Variants in ARAP2 observed in about 807,000 individuals in gnomAD.
The protein encoded by ARAP2 is ArfGAP with RhoGAP domain, ankyrin repeat and PH domain 2, also known as arf-GAP with Rho-GAP domain, ANK repeat and PH domain-containing protein 2.
In ARAP2, 148 loss-of-function variants were observed where a neutral mutation model predicts 194.5. The ratio of observed to expected loss-of-function variants is 0.76; its 90% CI spans 0.67 to 0.87. The LOEUF is 0.87. ARAP2 is among the 40% of genes least tolerant of loss of function. The pLI is 0.00. For missense variants in ARAP2, 2,128 were observed against 1,989.7 expected, an observed-to-expected ratio of 1.07 and a Z score of -1.32; for synonymous variants, 695 against 683.5, an observed-to-expected ratio of 1.02 and a Z score of -0.26.
In ARAP2 at chr4:36,164,910, T is replaced by A. The variant is rs774310298; in HGVS notation, c.2173+4A>T. ...TGTGATGAGCATAACTTGTCACTAA[T>A]TACCTGCACACTTCTTACAGATGAC... is the stretch of plus-strand genomic sequence containing the variant. On this transcript the variant is annotated splice_donor_region_variant and intron_variant, in intron 11 of 32. Coordinates refer to ENST00000303965, the MANE Select transcript of ARAP2 (RefSeq NM_015230.4). 6.2e-7 allele frequency: 1 copy of A among 1,613,524 alleles called. No homozygotes were observed. The highest frequency in any genetic ancestry group is 8.5e-7 in the Non-Finnish European group (1 of 1,179,594).
chr4:36,099,056 C>G (rs1716119732), intron 27 of ARAP2, among the ~76,000 whole-genome samples: 1 of 151,850 alleles, frequency 6.6e-6, no homozygotes, highest in Non-Finnish European at 1.5e-5. Flanking sequence ...CTACCCTCCC[C>G]TCCCCATGGA....
intron 31 of ARAP2, 149 bp from the exon 32 acceptor site, chr4:36,073,972 G>A: frequency 2.0e-6 from 2 of 1,013,028 alleles, no homozygotes; most frequent in East Asian, 2.5e-5. Context: ...GTTGACTCTG[G>A]TGGCAGCATC....
chr4:36,177,799 A>G (rs1738311769), intron 9 of ARAP2, 28 bp downstream of exon 9: 2 of 1,526,106 alleles, frequency 1.3e-6, no homozygotes, highest in Non-Finnish European at 1.8e-6. Context: ...AAATAGCAGC[A>G]ATTTGCAATG....
intron 8 of ARAP2, among the ~76,000 whole-genome samples, chr4:36,183,514 T>TAAGCACCAGAACTGTGCACTC (rs1739779551): frequency 6.6e-6 from 1 of 152,130 alleles, no homozygotes; most frequent in Non-Finnish European, 1.5e-5. Context: ...AGCTCTCTTC[T>TAAGCACCAGAACTGTGCACTC]AAGCACCAGA....
intron 26 of ARAP2, among the ~76,000 whole-genome samples, chr4:36,111,727 C>A (rs1200379871): frequency 6.6e-6 from 1 of 151,920 alleles, no homozygotes; most frequent in Non-Finnish European, 1.5e-5. Flanking sequence ...CCCTTGATTG[C>A]TCAAGATAAA....
intron 5 of ARAP2, among the ~76,000 whole-genome samples, chr4:36,034,108 T>C (rs1224582330): frequency 1.3e-5 from 2 of 152,156 alleles, no homozygotes; most frequent in African/African-American, 4.8e-5. Flanking sequence ...TATGTATGCT[T>C]ACTATTGCCT....
chr4:36,085,562 C>A (rs1296779361), intron 28 of ARAP2, among the ~76,000 whole-genome samples: 2 of 152,110 alleles, frequency 1.3e-5, no homozygotes, highest in East Asian at 3.9e-4. Flanking sequence ...CACTTTTATA[C>A]AAGGATTATA....
chr4:36,208,339 T>C (rs888177901), intron 6 of ARAP2, among the ~76,000 whole-genome samples: 2 of 152,216 alleles, frequency 1.3e-5, no homozygotes, highest in African/African-American at 4.8e-5. Context: ...GACCACAGCC[T>C]CATTCATCGG....
intron 5 of ARAP2, among the ~76,000 whole-genome samples, chr4:36,039,296 G>T (rs1421148284): frequency 1.3e-5 from 2 of 152,174 alleles, no homozygotes; most frequent in African/African-American, 4.8e-5. Context: ...GCCCCACACT[G>T]TTTATATAAA....
At chr4:36,176,123 A>G (rs1307259795) in intron 9 of ARAP2, among the ~76,000 whole-genome samples, 1 of 152,222 alleles carries the variant, frequency 6.6e-6, no homozygotes, top group Non-Finnish European at 1.5e-5. Context: ...AAGTTTGTAG[A>G]GTGGTTAAGA....
chr4:36,029,715 T>C (rs1309148315), intron 5 of ARAP2, among the ~76,000 whole-genome samples: 1 of 151,988 alleles, frequency 6.6e-6, no homozygotes, highest in Non-Finnish European at 1.5e-5. Context: ...TTTTCTTTGT[T>C]GTTATTTGTA....
In ARAP2 at chr4:36,067,890, G is replaced by A. The variant is rs1032278714; in HGVS notation, c.*17C>T. 1.9e-6 allele frequency: 3 copies of A among 1,549,144 alleles called. No homozygotes were observed. The highest frequency in any genetic ancestry group is 2.6e-6 in the Non-Finnish European group (3 of 1,147,410). The stretch of plus-strand genomic sequence containing the variant: ...CAATATTAAAAAAATAATCTGGGGA[G>A]CAATTCATTTTATTTCCTACTTCAA... On this transcript the variant is annotated 3_prime_UTR_variant, in exon 33 of 33. Coordinates refer to ENST00000303965, the MANE Select transcript of ARAP2 (RefSeq NM_015230.4).
At chr4:36,010,077 T>C (rs1016624504) in intron 9 of ARAP2, among the ~76,000 whole-genome samples, 1 of 151,894 alleles carries the variant, frequency 6.6e-6, no homozygotes, top group Admixed American at 6.6e-5. Context: ...CAAACAGTAA[T>C]TTCCTCCTTT....
chr4:36,090,050 C>G (rs1713148004), intron 28 of ARAP2, among the ~76,000 whole-genome samples: 1 of 149,648 alleles, frequency 6.7e-6, no homozygotes, highest in East Asian at 1.9e-4. Context: ...ATTTGATAAA[C>G]ACAATCAGAA....
At chr4:36,236,192 A>C (rs999264947) in intron 1 of ARAP2, among the ~76,000 whole-genome samples, 3 of 151,862 alleles carry the variant, frequency 2.0e-5, no homozygotes, top group Admixed American at 2.0e-4. Context: ...AAAAAAAAAA[A>C]AAAAATTAAT....
At chr4:36,138,498 T>C (rs1727394103) in intron 19 of ARAP2, among the ~76,000 whole-genome samples, 1 of 151,690 alleles carries the variant, frequency 6.6e-6, no homozygotes, top group African/African-American at 2.4e-5. Context: ...CTTCTTTTAT[T>C]CAGCACAATG....
rs940456160 is a variant in ARAP2, at chr4:36,053,230, T to A, written n.322-1177A>T. Among the ~76,000 whole-genome samples the A allele has an allele frequency of 2.0e-5, 3 of 152,116 alleles. No individual in the cohort carries two copies. The East Asian group carries it at 5.8e-4, about 30-fold the overall frequency. The stretch of plus-strand genomic sequence containing the variant: ...CATCTTGGCCAGGCTGGTCTTGAAC[T>A]TTTGACTTCGTGATCCACCCGCCTT... On this transcript the variant is annotated intron_variant and non_coding_transcript_variant, in intron 2 of 12. Transcript: ENST00000503225.
chr4:36,119,839 A>G (rs1191689459), intron 23 of ARAP2, 121 bp from the exon 24 acceptor site: 1 of 622,218 alleles, frequency 1.6e-6, no homozygotes, highest in African/African-American at 1.8e-5. Context: ...GAGAATGGCC[A>G]TCGGAATCAA....
At chr4:36,040,748 C>T (rs150074027) in intron 5 of ARAP2, among the ~76,000 whole-genome samples, 138 of 152,150 alleles carry the variant, frequency 9.1e-4, no homozygotes, top group Middle Eastern at 3.4e-3. Flanking sequence ...GTCGAGAGTA[C>T]GGGGTTTCTA....
Sources: gnomAD v4.1 joint callset for allele counts (sites outside exome capture counted in the v4.1 genomes callset) on GRCh38, gnomAD v4.1.1 for gene constraint, MANE v1.5 for transcripts, NCBI Gene and HGNC (gene_info 2026-07-23, HGNC 2026-07-21) for gene names.